ZFPM2: variants seen among roughly 807,000 people sequenced by gnomAD.
ZFPM2 encodes the protein zinc finger protein, FOG family member 2.
ZFPM2 carries 20 observed loss-of-function variants against 98.6 expected under a neutral mutation model. The ratio of observed to expected loss-of-function variants is 0.20; its 90% confidence interval spans 0.14 to 0.29. The LOEUF is 0.29. Among genes scored for constraint, ZFPM2 ranks in the 10% least tolerant of loss-of-function variants. The probability of loss-of-function intolerance (pLI) is 1.00; values close to 1 mark genes in which losing one functional copy is unlikely to be tolerated. For synonymous variants in ZFPM2, 518 were observed against 502.7 expected, an observed-to-expected ratio of 1.03 and a Z score of -0.41; for missense variants, 1,310 against 1,388.6, an observed-to-expected ratio of 0.94 and a Z score of 0.90.
At chr8:105,499,252 GAA>G (rs550118982) in intron 3 of ZFPM2, among the ~76,000 whole-genome samples, 2 of 121,716 alleles carry the variant, frequency 1.6e-5, no homozygotes, top group Non-Finnish European at 1.8e-5. Flanking sequence ...CTAGATTCCA[GAA>G]AAAAAAAAAA....
At chr8:105,522,448 T>C (rs904650773) in intron 3 of ZFPM2, among the ~76,000 whole-genome samples, 2 of 152,178 alleles carry the variant, frequency 1.3e-5, no homozygotes, top group African/African-American at 2.4e-5. Context: ...AGAGTTTGTC[T>C]GTATATTCTT....
chr8:105,396,602 A>G (rs1811222840), intron 1 of ZFPM2, among the ~76,000 whole-genome samples: 1 of 152,200 alleles, frequency 6.6e-6, no homozygotes, highest in Non-Finnish European at 1.5e-5. Flanking sequence ...TTCAGACATC[A>G]GGAAAAGAGG....
rs1414433300 is a variant in ZFPM2, at chr8:105,412,741, G to C, written c.41-6403G>C. On this transcript the variant is annotated intron_variant, in intron 1 of 7. Transcript: ENST00000407775. ...CTGTTAAGCTCAATTACATGAGTTA[G>C]TATGGGTTTGCACTGTCCAAAGAGT... is the stretch of plus-strand genomic sequence containing the variant. Among the ~76,000 whole-genome samples the C allele has an allele frequency of 1.3e-5, 2 of 151,624 alleles. 1 individual carries two copies. The highest frequency in any genetic ancestry group is 1.3e-4 in the Admixed American group (2 of 15,156).
At chr8:105,757,090 C>A (rs1240505870) in intron 5 of ZFPM2, among the ~76,000 whole-genome samples, 1 of 152,202 alleles carries the variant, frequency 6.6e-6, no homozygotes, top group Non-Finnish European at 1.5e-5. Context: ...AGGCATATTT[C>A]ATGCAACATA....
chr8:105,462,824 T>C (rs1812727363), intron 3 of ZFPM2, among the ~76,000 whole-genome samples: 1 of 152,114 alleles, frequency 6.6e-6, no homozygotes, highest in Non-Finnish European at 1.5e-5. Flanking sequence ...GCCAAAGAAA[T>C]AGCGAATCCG....
intron 4 of ZFPM2, among the ~76,000 whole-genome samples, chr8:105,570,342 A>T (rs1265945001): frequency 6.6e-6 from 1 of 150,534 alleles, no homozygotes; most frequent in African/African-American, 2.4e-5. Context: ...ATGGAGGGGG[A>T]TTACTCAGGG....
chr8:105,530,920 C>T (rs1300883486), intron 3 of ZFPM2, among the ~76,000 whole-genome samples: 3 of 151,998 alleles, frequency 2.0e-5, no homozygotes, highest in Non-Finnish European at 4.4e-5. Flanking sequence ...ATAATGATGT[C>T]CATAGTTTTA....
chr8:105,485,736 G>A (rs1293939296), intron 3 of ZFPM2, among the ~76,000 whole-genome samples: 1 of 152,108 alleles, frequency 6.6e-6, no homozygotes, highest in Non-Finnish European at 1.5e-5. Flanking sequence ...GATAAGAGTA[G>A]CAAGTAAGAA....
intron 4 of ZFPM2, among the ~76,000 whole-genome samples, chr8:105,626,656 T>C (rs560289804): frequency 2.1e-4 from 32 of 152,208 alleles, no homozygotes; most frequent in African/African-American, 7.0e-4. Flanking sequence ...ATAAATGTAA[T>C]GTCTATAGTA....
chr8:105,779,671 A>C (rs2131108065), intron 5 of ZFPM2, among the ~76,000 whole-genome samples: 1 of 152,308 alleles, frequency 6.6e-6, no homozygotes, highest in African/African-American at 2.4e-5. Flanking sequence ...CTGGTTGACA[A>C]GTAGGGAGTA....
At chr8:105,610,932 C>T (rs1401093729) in intron 4 of ZFPM2, among the ~76,000 whole-genome samples, 4 of 152,190 alleles carry the variant, frequency 2.6e-5, no homozygotes, top group Non-Finnish European at 5.9e-5. Flanking sequence ...ACATGTAGAG[C>T]TACCAGAGTT....
At chr8:105,518,522 G>T (rs755073025) in intron 3 of ZFPM2, among the ~76,000 whole-genome samples, 1 of 152,170 alleles carries the variant, frequency 6.6e-6, no homozygotes, top group Admixed American at 6.5e-5. Context: ...GAATGTGTGT[G>T]TTGATTTGCT....
At chr8:105,506,463 C>T (rs1444348044) in intron 3 of ZFPM2, among the ~76,000 whole-genome samples, 1 of 152,054 alleles carries the variant, frequency 6.6e-6, no homozygotes. Context: ...TTAAAAATTA[C>T]TTTGTATTTG....
intron 3 of ZFPM2, among the ~76,000 whole-genome samples, chr8:105,534,506 C>T (rs1814409049): frequency 6.7e-6 from 1 of 150,192 alleles, no homozygotes. Context: ...CTTCCTCTTC[C>T]TCTGTTTTTG....
intron 5 of ZFPM2, among the ~76,000 whole-genome samples, chr8:105,703,866 C>T (rs764570366): frequency 2.6e-5 from 4 of 152,150 alleles, no homozygotes; most frequent in Non-Finnish European, 5.9e-5. Context: ...TCCTGTATCA[C>T]TATCCACCCG....
At chr8:105,664,624 C>T (rs1291822387) in intron 5 of ZFPM2, among the ~76,000 whole-genome samples, 4 of 152,244 alleles carry the variant, frequency 2.6e-5, no homozygotes, top group Non-Finnish European at 5.9e-5. Context: ...CAAGAGCCAC[C>T]GCACCTGGCC....
chr8:105,409,201 C>G lies in ZFPM2; in HGVS notation c.41-9943C>G, dbSNP rs151335699. 3.2e-3 allele frequency among the ~76,000 whole-genome samples: 490 copies of G among 151,968 alleles called. 7 individuals are homozygous for G. Among genetic ancestry groups the G allele is most frequent in the African/African-American group, 0.011 (457 of 41,524 alleles). On this transcript the variant is annotated intron_variant, in intron 1 of 7. Transcript: ENST00000407775. ...ATGCTTTTGCTGTTGGAAGGTTTTG[C>G]TCTTCAGAAGACTCAAACAGCATGC...
intron 1 of ZFPM2, among the ~76,000 whole-genome samples, chr8:105,338,979 A>C (rs1812373873): frequency 6.6e-6 from 1 of 151,830 alleles, no homozygotes; most frequent in African/African-American, 2.4e-5. Flanking sequence ...AGAGTGGGGC[A>C]GGCATATCTC....
At chr8:105,565,471 T>C (rs1815224601) in intron 4 of ZFPM2, among the ~76,000 whole-genome samples, 2 of 152,188 alleles carry the variant, frequency 1.3e-5, no homozygotes, top group Admixed American at 1.3e-4. Context: ...ATTTACTTCT[T>C]ACACAAGTGC....
Sources: gnomAD v4.1 joint callset for allele counts (sites outside exome capture counted in the v4.1 genomes callset) on GRCh38, gnomAD v4.1.1 for gene constraint, MANE v1.5 for transcripts, NCBI Gene and HGNC (gene_info 2026-07-23, HGNC 2026-07-21) for gene names.